The following DNAH2 variants were observed in gnomAD, a reference collection of about 807,000 sequenced individuals.
DNAH2 encodes the protein dynein axonemal heavy chain 2.
Under a neutral mutation model 523.5 loss-of-function variants are expected in DNAH2, and 323 were observed. The ratio of observed to expected loss-of-function variants is 0.62; its 90% CI spans 0.56 to 0.68. The LOEUF is 0.68. DNAH2 is among the 30% of genes least tolerant of loss of function. The pLI, the probability that DNAH2 is intolerant of heterozygous loss-of-function variation, is 0.00. For synonymous variants in DNAH2, 2,093 were observed against 2,177.4 expected, an observed-to-expected ratio of 0.96 and a Z score of 1.08; for missense variants, 4,907 against 5,701.5, an observed-to-expected ratio of 0.86 and a Z score of 4.49.
rs772406592 is a variant in DNAH2 at position 7,780,726 on chromosome 17, C to A, written c.5947C>A (p.Leu1983Ile). The change falls in exon 38 of 86, where the codon CTT becomes ATT. Residue 1983 changes from leucine (L) to isoleucine (I), a missense_variant. This residue lies in a region of DNAH2 where 2,806 missense variants were observed against 3,190.8 expected (regional missense o/e 0.88). Coordinates refer to ENST00000572933, the MANE Select transcript of DNAH2 (RefSeq NM_020877.5). This position sits in a 1 kb window ranked among gnomAD's most constrained non-coding sequence, Gnocchi z 4.4. ...YDFGLRALTS[L>I]LRYAGKKRRL... ...CTTTGGCCTGCGTGCCCTCACCTCC[C>A]TTCTGCGCTATGCTGGCAAGAAGCG... 1.9e-6 allele frequency: 3 copies of A among 1,614,162 alleles called. No homozygotes were observed. In the Admixed American group the frequency reaches 5.0e-5, roughly 27 times the overall value.
At chr17:7,787,736 A>C in intron 42 of DNAH2, 124 bp from the exon 43 acceptor site, 1 of 136,664 alleles carries the variant, frequency 7.3e-6, no homozygotes, top group African/African-American at 3.4e-5. Flanking sequence ...ACTTTGTCTT[A>C]AAAAAAAAAA....
At chr17:7,793,515 C>CTTTT in intron 48 of DNAH2, among the ~76,000 whole-genome samples, 1 of 104,668 alleles carries the variant, frequency 9.6e-6, no homozygotes, top group African/African-American at 3.2e-5. Flanking sequence ...TTCTTTCTTT[C>CTTTT]TTCTCTTTCT....
chr17:7,789,839 A>G (rs2076848118), intron 44 of DNAH2, among the ~76,000 whole-genome samples: 1 of 152,060 alleles, frequency 6.6e-6, no homozygotes, highest in Non-Finnish European at 1.5e-5. Context: ...CGGCCTCCCA[A>G]AGTGCTGGGA....
intron 13 of DNAH2, among the ~76,000 whole-genome samples, chr17:7,758,082 G>A (rs1278926300): frequency 6.6e-6 from 1 of 152,112 alleles, no homozygotes; most frequent in Non-Finnish European, 1.5e-5. Flanking sequence ...GTCTTGTTTG[G>A]GTGTCTAGAA....
At position 7,794,215 on chromosome 17, in the gene DNAH2, C is replaced by T. The variant is rs559140443; in HGVS notation, c.7570-39C>T. The T allele has an allele frequency of 2.3e-4, 348 of 1,510,384 alleles. 7 individuals carry two copies. The South Asian group carries it at 3.9e-3, about 17-fold the overall frequency. The allele number at this position is 1,510,384 out of a possible 1,614,324, so 93.6% of individuals were successfully genotyped here. On this transcript the variant is annotated intron_variant, in intron 48 of 85. Coordinates refer to ENST00000572933, the MANE Select transcript of DNAH2 (RefSeq NM_020877.5). ...GTGTCGGCGCCTCTCTTGCCCTCTCCCCTCCTGCCTGTCTGCCCTCCTTGT... is the reference window on the plus strand; with the variant it reads ...GTGTCGGCGCCTCTCTTGCCCTCTCTCCTCCTGCCTGTCTGCCCTCCTTGT...
At chr17:7,810,422 TCTATCAC>T (rs2077482622) in intron 63 of DNAH2, among the ~76,000 whole-genome samples, 1 of 152,240 alleles carries the variant, frequency 6.6e-6, no homozygotes, top group East Asian at 1.9e-4. Context: ...AGAGTCTCGC[TCTATCAC>T]CCAGGCTGGA....
Position 7,760,071 on chromosome 17 carries a change from G to A in DNAH2, c.2785+133G>A. 2 of 1,380,950 alleles carry A rather than the reference G, an allele frequency of 1.4e-6. No individual in the cohort carries two copies. The highest frequency in any genetic ancestry group is 2.6e-5 in the South Asian group (2 of 77,010). 85.5% of individuals were successfully genotyped at this position (1,380,950 alleles called of 1,614,324 possible). A position where few individuals can be genotyped will look rare whatever the true frequency, so the allele number is the denominator to read the frequency against. On this transcript the variant is annotated intron_variant, in intron 17 of 85. Coordinates refer to ENST00000572933, the MANE Select transcript of DNAH2 (RefSeq NM_020877.5). The surrounding 1 kb of genome is among the most constrained non-coding windows in gnomAD (Gnocchi z 4.0). The stretch of plus-strand genomic sequence containing the variant: ...CCTCCCTGACCTGGGGAAAACTCAG[G>A]TCAAGGGGCCAGATCGGCTGGCACA...
intron 77 of DNAH2, among the ~76,000 whole-genome samples, chr17:7,825,471 C>T (rs1008175237): frequency 6.6e-6 from 1 of 152,216 alleles, no homozygotes; most frequent in Non-Finnish European, 1.5e-5. Context: ...CCACTTGGGG[C>T]AGCTGTCACA....
Position 7,760,699 on chromosome 17 carries a change from G to A in DNAH2, c.2786-41G>A, listed in dbSNP as rs1278962553. 1 of 1,583,378 alleles carries A rather than the reference G, an allele frequency of 6.3e-7. No individual in the cohort carries two copies. Among genetic ancestry groups the A allele is most frequent in the Non-Finnish European group, 8.6e-7 (1 of 1,162,544 alleles). ...AGGGCTCAGGCAGAAGTTGGGTTGGGGTGGAAGTCAGTGAGAAGCATCTTT... is the reference window on the plus strand; with the variant it reads ...AGGGCTCAGGCAGAAGTTGGGTTGGAGTGGAAGTCAGTGAGAAGCATCTTT... On this transcript the variant is annotated intron_variant, in intron 17 of 85. Coordinates refer to ENST00000572933, the MANE Select transcript of DNAH2 (RefSeq NM_020877.5). The surrounding 1 kb of genome is among the most constrained non-coding windows in gnomAD (Gnocchi z 4.0).
In DNAH2 at chr17:7,831,753, A is replaced by G; in HGVS notation, c.12704A>G (p.His4235Arg). The change falls in exon 82 of 86, where the codon CAT (histidine) becomes CGT (arginine). Residue 4235 changes from histidine (H) to arginine (R), a missense_variant. Physicochemically the swap from His to Arg is conservative, Grantham distance 29 (BLOSUM62 0). This residue lies in a region of DNAH2 where 1,851 missense variants were observed against 2,139.4 expected (regional missense o/e 0.87). Transcript: ENST00000572933. This position sits in a 1 kb window ranked among gnomAD's most constrained non-coding sequence, Gnocchi z 4.2. ...ATTTTCAATTGCATCTTTGATGCCC[A>G]TGTTCCTCCGCTCTGGGGAAAGGCA... ...EEIFNCIFDA[H>R]VPPLWGKAYP... The G allele has an allele frequency of 6.2e-7, 1 of 1,613,976 alleles. No homozygotes were observed. Among genetic ancestry groups the G allele is most frequent in the Non-Finnish European group, 8.5e-7 (1 of 1,179,930 alleles).
chr17:7,733,149 C>T lies in DNAH2; in HGVS notation c.462C>T (p.Phe154=), dbSNP rs760146349. The T allele has an allele frequency of 2.5e-5, 40 of 1,614,206 alleles. No homozygotes were observed. Among genetic ancestry groups the T allele is most frequent in the Middle Eastern group, 1.7e-4 (1 of 6,052 alleles). Residue 154 remains phenylalanine (F), a synonymous_variant, in exon 5 of 86, where the codon TTC becomes TTT. Transcript: ENST00000572933. ...CAGTTCCCATCACCTGGGAGAACTT[C>T]GAGGCAACTGTGCAGTTTGGGACGG... ...QAPVPITWEN[F]EATVQFGTVR...
intron 73 of DNAH2, 59 bp from the exon 74 acceptor site, chr17:7,823,383 C>A: frequency 4.9e-6 from 7 of 1,416,680 alleles, no homozygotes; most frequent in East Asian, 2.5e-5. Context: ...AGAAAAAGAT[C>A]ACTCTTCTTT....
chr17:7,741,742 G>A (rs977780222), intron 11 of DNAH2, among the ~76,000 whole-genome samples: 1 of 151,224 alleles, frequency 6.6e-6, no homozygotes, highest in Non-Finnish European at 1.5e-5. Context: ...TCGGCTCACC[G>A]CAACCTTCGC....
In DNAH2 at chr17:7,830,298, A is replaced by G. The variant is rs1277326069; in HGVS notation, c.11854-2A>G. 6.2e-7 allele frequency: 1 copy of G among 1,613,384 alleles called. No individual in the cohort carries two copies. Among genetic ancestry groups the G allele is most frequent in the Admixed American group, 1.7e-5 (1 of 59,952 alleles). On this transcript the variant is annotated splice_acceptor_variant, in intron 77 of 85. Transcript: ENST00000572933. LOFTEE classifies it high-confidence loss of function. ...CCCATCTTTATATTTCATTGTCCCCAGGGCCTAAAGGCCAACATGACACGT... is the reference window on the plus strand; with the variant it reads ...CCCATCTTTATATTTCATTGTCCCCGGGGCCTAAAGGCCAACATGACACGT...
intron 8 of DNAH2, 33 bp from the exon 9 acceptor site, chr17:7,739,700 A>G: frequency 6.3e-7 from 1 of 1,596,066 alleles, no homozygotes; most frequent in Non-Finnish European, 8.5e-7. Flanking sequence ...TTTGGAAGGA[A>G]AGCAGGAACC....
At chr17:7,730,488 C>A (rs1045428451) in intron 4 of DNAH2, among the ~76,000 whole-genome samples, 3 of 152,130 alleles carry the variant, frequency 2.0e-5, no homozygotes, top group Admixed American at 6.5e-5. Flanking sequence ...ATCTGGGAAT[C>A]AAAAAGGACA....
Position 7,737,217 on chromosome 17 carries a change from C to T in DNAH2, c.1129C>T (p.His377Tyr), listed in dbSNP as rs1253491644. Residue 377 changes from histidine (H) to tyrosine (Y), a missense_variant, in exon 8 of 86, where the codon CAC becomes TAC. Physicochemically the swap from His to Tyr is moderately conservative, Grantham distance 83. Around this residue, in one of 3 missense-constraint regions of DNAH2, gnomAD observed 2,806 missense variants for 3,190.8 expected, o/e 0.88. Transcript: ENST00000572933. ...LIRIIWVNSP[H>Y]YNTRERLTSL... is the part of the protein sequence containing the mutation. ...CCGCATCATCTGGGTCAACTCTCCCCACTACAACACTCGGGAGAGACTGAC... is the reference window on the plus strand; with the variant it reads ...CCGCATCATCTGGGTCAACTCTCCCTACTACAACACTCGGGAGAGACTGAC... 1 of 1,614,144 alleles carries T rather than the reference C, an allele frequency of 6.2e-7. No individual in the cohort carries two copies. Among genetic ancestry groups the T allele is most frequent in the African/African-American group, 1.3e-5 (1 of 75,034 alleles).
At chr17:7,796,045 ATTTTTT>A (rs377411281) in intron 49 of DNAH2, among the ~76,000 whole-genome samples, 9 of 107,668 alleles carry the variant, frequency 8.4e-5, no homozygotes, top group Non-Finnish European at 1.3e-4. Context: ...TGAGTTTAGG[ATTTTTT>A]TTTTTTTTTT....
Position 7,740,922 on chromosome 17 carries a change from A to G in DNAH2, c.1619A>G (p.Tyr540Cys). 3.1e-6 allele frequency: 5 copies of G among 1,613,714 alleles called. No homozygotes were observed. The highest frequency in any genetic ancestry group is 2.2e-5 in the East Asian group (1 of 44,846). The change falls in exon 11 of 86, where the codon TAC becomes TGC. Residue 540 changes from tyrosine to cysteine, a missense_variant. By Grantham distance (194) the Tyr-to-Cys change is radical. Coordinates refer to ENST00000572933, the MANE Select transcript of DNAH2 (RefSeq NM_020877.5). ...RNKKWPDLEP[Y>C]VAQYSGKARW... ...AAGAAATGGCCAGACCTGGAGCCCT[A>G]CGTGGCCCAGTATTCCGGAAAGGCG...
Sources: gnomAD v4.1 joint callset for allele counts (sites outside exome capture counted in the v4.1 genomes callset) on GRCh38, gnomAD v4.1.1 for gene constraint, gnomAD v4.1.1 regional missense constraint, Gnocchi (gnomAD v3.1) non-coding constraint, MANE v1.5 for transcripts, NCBI Gene and HGNC (gene_info 2026-07-23, HGNC 2026-07-21) for gene names.